UGT2B4: variants seen among roughly 807,000 people sequenced by gnomAD.
The protein encoded by UGT2B4 is UDP-glucuronosyltransferase 2B4.
Under a neutral mutation model 49.8 loss-of-function variants are expected in UGT2B4, and 49 were observed. The observed-to-expected ratio is 0.98, with a 90% CI of 0.78 to 1.25. UGT2B4 has a LOEUF of 1.25. Among genes scored for constraint, UGT2B4 ranks in the 50% most tolerant of loss-of-function variants. The pLI, the probability that UGT2B4 is intolerant of heterozygous loss-of-function variation, is 0.00. For synonymous variants in UGT2B4, 246 were observed against 217.7 expected, an observed-to-expected ratio of 1.13 and a Z score of -1.14; for missense variants, 729 against 627.7, an observed-to-expected ratio of 1.16 and a Z score of -1.73.
chr4:69,497,306 T>C (rs1304740776), upstream of UGT2B4, among the ~76,000 whole-genome samples: 1 of 152,168 alleles, frequency 6.6e-6, no homozygotes, highest in Non-Finnish European at 1.5e-5. Flanking sequence ...TCCTGACTAA[T>C]CTATGACTCC....
intron 1 of UGT2B4, among the ~76,000 whole-genome samples, chr4:69,522,347 AG>A (rs1728867882): frequency 2.6e-5 from 4 of 152,308 alleles, no homozygotes; most frequent in African/African-American, 9.6e-5. Context: ...GTTAGGTGGG[AG>A]GTAACAAACA....
At chr4:69,495,926 C>T, upstream of UGT2B4, 3 of 1,528,964 alleles carry the variant, frequency 2.0e-6, no homozygotes, top group East Asian at 6.8e-5. Flanking sequence ...ATGGTGACAT[C>T]CAGTATAAAT....
chr4:69,514,057 T>C (rs1347087173), intron 1 of UGT2B4, among the ~76,000 whole-genome samples: 2 of 151,960 alleles, frequency 1.3e-5, no homozygotes, highest in Non-Finnish European at 2.9e-5. Context: ...TCTGAATAAA[T>C]GAATAAATGT....
intron 1 of UGT2B4, among the ~76,000 whole-genome samples, chr4:69,507,680 C>T (rs1036069738): frequency 1.3e-5 from 2 of 152,026 alleles, no homozygotes; most frequent in Admixed American, 6.6e-5. Flanking sequence ...AACTGGATCC[C>T]GTCCTTACAC....
intron 1 of UGT2B4, 74 bp downstream of exon 1, chr4:69,495,067 G>T: frequency 1.4e-6 from 2 of 1,382,036 alleles, no homozygotes; most frequent in Admixed American, 2.7e-5. Context: ...CTGACTTTAT[G>T]GCTTTATACA....
intron 5 of UGT2B4, 137 bp downstream of exon 5, chr4:69,485,071 A>G: frequency 9.2e-7 from 1 of 1,085,996 alleles, no homozygotes; most frequent in Non-Finnish European, 1.3e-6. Context: ...CTCAAAAATA[A>G]AAGCAGATTT....
rs1553896652 is a variant in UGT2B4, at chr4:69,502,110, T to TTTCTTTCTTTCTTTCTTTCTTTC, written c.-105-6167_-105-6145dup. On this transcript the variant is annotated intron_variant, in intron 1 of 1. Coordinates refer to the UGT2B4 transcript ENST00000510114. The stretch of plus-strand genomic sequence containing the variant: ...TTCTCTCTCTTTCTTTCTTTCTTTC[T>TTTCTTTCTTTCTTTCTTTCTTTC]TTCTTTCTTTCTTTCTTTCTTTCTT... Among the ~76,000 whole-genome samples the TTTCTTTCTTTCTTTCTTTCTTTC allele has an allele frequency of 7.2e-4, 87 of 120,284 alleles. 2 individuals are homozygous for TTTCTTTCTTTCTTTCTTTCTTTC. The highest frequency in any genetic ancestry group is 2.5e-3 in the South Asian group (9 of 3,552). The allele number at this position is 120,284 out of a possible 152,430, so 78.9% of individuals were successfully genotyped here. A position where few individuals can be genotyped will look rare whatever the true frequency, so the allele number is the denominator to read the frequency against.
intron 1 of UGT2B4, among the ~76,000 whole-genome samples, chr4:69,514,134 C>T (rs1577902547): frequency 6.6e-6 from 1 of 151,926 alleles, no homozygotes; most frequent in Non-Finnish European, 1.5e-5. Flanking sequence ...TACATGTGCA[C>T]AATGTGCAGG....
intron 4 of UGT2B4, 22 bp from the exon 5 acceptor site, chr4:69,485,449 C>A: frequency 6.2e-7 from 1 of 1,612,098 alleles, no homozygotes; most frequent in Non-Finnish European, 8.5e-7. Flanking sequence ...TGAATTTTAG[C>A]AAAATTATTC....
chr4:69,490,963 T>C (rs927813148), intron 2 of UGT2B4, among the ~76,000 whole-genome samples: 1 of 152,184 alleles, frequency 6.6e-6, no homozygotes, highest in Non-Finnish European at 1.5e-5. Context: ...TCCCATTCTG[T>C]GACAACTTTA....
chr4:69,521,202 C>T (rs1401573446), intron 1 of UGT2B4, among the ~76,000 whole-genome samples: 3 of 152,218 alleles, frequency 2.0e-5, no homozygotes, highest in Non-Finnish European at 4.4e-5. Context: ...GGGACAAGAA[C>T]TCAGGAACCA....
intron 5 of UGT2B4, 26 bp from the exon 6 acceptor site, chr4:69,480,936 A>G (rs1052382947): frequency 6.2e-7 from 1 of 1,606,880 alleles, no homozygotes; most frequent in African/African-American, 1.3e-5. Flanking sequence ...AAAAGTATCA[A>G]CATTGAAAGT....
rs41300008 is a variant in UGT2B4, at chr4:69,493,042, T to C, written c.870+651A>G. Among the ~76,000 whole-genome samples, 121 of 152,312 alleles carry C rather than the reference T, an allele frequency of 7.9e-4. 1 individual carries two copies. In the East Asian group the frequency reaches 0.023, roughly 28 times the overall value. Reference sequence around the variant, plus strand: ...ACTCCTGAGGAGTATCTGGCTCTTATCTTGCCTATCAGCATCATCTGATTC... The same window carrying C: ...ACTCCTGAGGAGTATCTGGCTCTTACCTTGCCTATCAGCATCATCTGATTC... On this transcript the variant is annotated intron_variant, in intron 2 of 5. Transcript: ENST00000305107.
chr4:69,518,362 A>T (rs1426139818), intron 1 of UGT2B4: 1 of 152,250 alleles, frequency 6.6e-6, no homozygotes, highest in Non-Finnish European at 1.5e-5. Context: ...AGCAGAGCTG[A>T]GGTAGCAGAA....
chr4:69,514,151 A>G (rs371950645), intron 1 of UGT2B4, among the ~76,000 whole-genome samples: 1 of 152,198 alleles, frequency 6.6e-6, no homozygotes, highest in Non-Finnish European at 1.5e-5. Context: ...CAGGTTTGTT[A>G]CATATGTATA....
intron 1 of UGT2B4, 82 bp downstream of exon 1, chr4:69,495,059 G>T: frequency 2.3e-6 from 3 of 1,327,924 alleles, no homozygotes; most frequent in South Asian, 1.8e-5. Context: ...CCACTACCCT[G>T]ACTTTATGGC....
chr4:69,513,839 GTGA>G (rs940046570), intron 1 of UGT2B4, among the ~76,000 whole-genome samples: 11 of 151,996 alleles, frequency 7.2e-5, no homozygotes, highest in Non-Finnish European at 4.4e-5. Context: ...TGTGGCAATT[GTGA>G]ATGGGAGCTC....
chr4:69,488,319 C>A (rs1401859166), intron 3 of UGT2B4, among the ~76,000 whole-genome samples: 1 of 151,966 alleles, frequency 6.6e-6, no homozygotes, highest in African/African-American at 2.4e-5. Context: ...ATTTTGACAA[C>A]AGTGATTCGT....
chr4:69,493,690 T>G lies in UGT2B4; in HGVS notation c.870+3A>C, dbSNP rs1339467914. 1.9e-6 allele frequency: 3 copies of G among 1,604,878 alleles called. No homozygotes were observed. The highest frequency in any genetic ancestry group is 2.5e-6 in the Non-Finnish European group (3 of 1,177,186). On this transcript the variant is annotated splice_donor_region_variant and intron_variant, in intron 2 of 5. Transcript: ENST00000305107. ...GCAGACAAAACAAACAGTAATAGTTTACCTTCGGTAGGGGTTTGGCAGGTT... is the reference window on the plus strand; with the variant it reads ...GCAGACAAAACAAACAGTAATAGTTGACCTTCGGTAGGGGTTTGGCAGGTT...
Sources: allele counts gnomAD v4.1 joint callset (sites outside exome capture counted in the v4.1 genomes callset), GRCh38; gene constraint gnomAD v4.1.1; transcripts MANE v1.5; gene names NCBI Gene and HGNC (gene_info 2026-07-23, HGNC 2026-07-21).